Variants in PRDM11 observed in about 807,000 individuals in gnomAD.
PRDM11 encodes the protein PR/SET domain 11.
In PRDM11, 20 loss-of-function variants were observed where a neutral mutation model predicts 97.8. The ratio of observed to expected loss-of-function variants is 0.20; its 90% CI spans 0.14 to 0.30. The LOEUF is 0.30. PRDM11 is among the 10% of genes least tolerant of loss of function. PRDM11 has a pLI of 1.00. For missense variants in PRDM11, 1,139 were observed against 1,555.2 expected (o/e 0.73, Z 4.50); for synonymous variants, 599 against 637.7 (o/e 0.94, Z 0.91).
intron 1 of PRDM11, among the ~76,000 whole-genome samples, chr11:45,109,914 G>A (rs1227221257): frequency 6.6e-6 from 1 of 152,106 alleles, no homozygotes; most frequent in Non-Finnish European, 1.5e-5. Flanking sequence ...AGTGTCCAGG[G>A]TTGCTCACAG....
Position 45,203,898 on chromosome 11 carries a change from G to GGA in PRDM11, c.487-812_487-811dup. On this transcript the variant is annotated intron_variant, in intron 4 of 7. Transcript: ENST00000683152. ...ACTGAGAATTTTCCAGAATTGAAAA[G>GGA]GATATGAGTCTTGGAGTTGAAAGGT... Among the ~76,000 whole-genome samples the GGA allele has an allele frequency of 1.3e-5, 2 of 152,314 alleles. 1 individual carries two copies. Among genetic ancestry groups the GGA allele is most frequent in the Middle Eastern group, 6.8e-3 (2 of 294 alleles).
rs556201856 is a variant in PRDM11 at position 45,128,072 on chromosome 11, G to A, written c.96+32171G>A. Among the ~76,000 whole-genome samples the A allele has an allele frequency of 3.9e-5, 6 of 152,228 alleles. No homozygotes were observed. The South Asian group carries it at 6.2e-4, about 16-fold the overall frequency. ...TGGCAGGCGCCCCTCCCCCAGCCTC[G>A]CTGCCACCTTGCAGTTTGATCTCAG... On this transcript the variant is annotated intron_variant, in intron 1 of 6. Coordinates refer to the PRDM11 transcript ENST00000530656.
At chr11:45,171,400 G>A (rs769137177) in intron 1 of PRDM11, among the ~76,000 whole-genome samples, 2 of 151,998 alleles carry the variant, frequency 1.3e-5, no homozygotes, top group Admixed American at 6.6e-5. Context: ...GTGCCCAGCC[G>A]GTTATGTGGA....
chr11:45,109,465 T>G (rs1156392440), intron 1 of PRDM11, among the ~76,000 whole-genome samples: 1 of 152,210 alleles, frequency 6.6e-6, no homozygotes, highest in Admixed American at 6.5e-5. Flanking sequence ...GCCCTGTCTC[T>G]ACCATGCACA....
At chr11:45,175,075 G>T (rs534366087) in intron 1 of PRDM11, among the ~76,000 whole-genome samples, 1 of 152,102 alleles carries the variant, frequency 6.6e-6, no homozygotes, top group Non-Finnish European at 1.5e-5. Flanking sequence ...CCAGCTTCCC[G>T]GTTATTAACA....
At chr11:45,195,564 CTTTCTTTTTTTT>C (rs1247449398) in intron 4 of PRDM11, among the ~76,000 whole-genome samples, 4 of 151,520 alleles carry the variant, frequency 2.6e-5, no homozygotes, top group African/African-American at 7.3e-5. Flanking sequence ...CTTTTACTTT[CTTTCTTTTTTTT>C]TTTCTTTTTT....
chr11:45,207,011 C>A (rs187075509), intron 5 of PRDM11, among the ~76,000 whole-genome samples: 4 of 152,248 alleles, frequency 2.6e-5, no homozygotes, highest in Admixed American at 2.6e-4. Context: ...AGCATGGTTT[C>A]TGTCCTGTTC....
At chr11:45,193,777 A>G (rs1853000565) in intron 4 of PRDM11, among the ~76,000 whole-genome samples, 2 of 152,166 alleles carry the variant, frequency 1.3e-5, no homozygotes, top group Non-Finnish European at 2.9e-5. Flanking sequence ...TCTGCTGGTC[A>G]GCTGCCGTTC....
intron 5 of PRDM11, chr11:45,213,647 T>C (rs1218116742): frequency 2.0e-5 from 9 of 456,472 alleles, no homozygotes; most frequent in South Asian, 1.1e-4. Flanking sequence ...CTTGCATTCA[T>C]AGAGAGCACT....
intron 4 of PRDM11, among the ~76,000 whole-genome samples, chr11:45,191,502 G>A (rs1434014961): frequency 6.6e-6 from 1 of 152,068 alleles, no homozygotes; most frequent in Non-Finnish European, 1.5e-5. Flanking sequence ...GTATTCATAT[G>A]AACATGAATT....
At chr11:45,220,549 A>G (rs1470986723) in intron 6 of PRDM11, among the ~76,000 whole-genome samples, 1 of 152,206 alleles carries the variant, frequency 6.6e-6, no homozygotes, top group East Asian at 1.9e-4. Flanking sequence ...ATCCAGGGCC[A>G]CCTGGCTAGG....
Position 45,126,922 on chromosome 11 carries a change from T to A in PRDM11, c.96+31021T>A, listed in dbSNP as rs573691932. 1.2e-3 allele frequency among the ~76,000 whole-genome samples: 183 copies of A among 152,380 alleles called. 1 individual carries two copies. The highest frequency in any genetic ancestry group is 3.5e-3 in the African/African-American group (145 of 41,596). On this transcript the variant is annotated intron_variant, in intron 1 of 6. Transcript: ENST00000530656. ...GGGGAAGTTCTCCTGGATAATATCC[T>A]GCAGAGTGTTTTCCAACTTGGTTCC...
chr11:45,168,742 T>G (rs1177626682), intron 1 of PRDM11, among the ~76,000 whole-genome samples: 1 of 152,124 alleles, frequency 6.6e-6, no homozygotes. Context: ...ACACACTGGG[T>G]CTCCAGCACC....
chr11:45,223,062 T>C (rs939381836), intron 6 of PRDM11, among the ~76,000 whole-genome samples: 36 of 152,184 alleles, frequency 2.4e-4, no homozygotes, highest in African/African-American at 8.7e-4. Flanking sequence ...ATGCCTGTAA[T>C]CTCAGCACTT....
chr11:45,224,644 C>G lies in PRDM11; in HGVS notation c.1170C>G (p.Ala390=), dbSNP rs578069391. ...DEEEEPSSFK[A]DSPAEASLAS... Reference sequence around the variant, plus strand: ...AAGAGGAGCCTTCATCATTCAAGGCCGACAGTCCTGCCGAGGCCTCCCTTG... The same window carrying G: ...AAGAGGAGCCTTCATCATTCAAGGCGGACAGTCCTGCCGAGGCCTCCCTTG... Residue 390 remains alanine, a synonymous_variant, in exon 7 of 8, where the codon GCC becomes GCG. Transcript: ENST00000683152. 1 of 1,614,178 alleles carries G rather than the reference C, an allele frequency of 6.2e-7. No individual in the cohort carries two copies. Among genetic ancestry groups the G allele is most frequent in the Non-Finnish European group, 8.5e-7 (1 of 1,180,030 alleles).
At chr11:45,191,426 C>G (rs553644019) in intron 4 of PRDM11, among the ~76,000 whole-genome samples, 1 of 152,210 alleles carries the variant, frequency 6.6e-6, no homozygotes, top group African/African-American at 2.4e-5. Context: ...ATTTGACATT[C>G]TTCTGTTTAA....
chr11:45,102,480 C>T (rs919905836), intron 1 of PRDM11, among the ~76,000 whole-genome samples: 3 of 152,166 alleles, frequency 2.0e-5, no homozygotes, highest in African/African-American at 7.2e-5. Flanking sequence ...GGGGAAGCAC[C>T]CCAGCTGGGG....
intron 1 of PRDM11, among the ~76,000 whole-genome samples, chr11:45,172,496 A>G (rs1286547606): frequency 1.3e-5 from 2 of 152,128 alleles, no homozygotes; most frequent in Non-Finnish European, 2.9e-5. Context: ...ATGAAGCACC[A>G]AAGACACTCC....
chr11:45,142,523 T>C (rs1385505187), upstream of PRDM11, among the ~76,000 whole-genome samples: 3 of 151,948 alleles, frequency 2.0e-5, no homozygotes, highest in East Asian at 5.8e-4. Flanking sequence ...TTCCCATACC[T>C]CTCCACCTTT....
Sources: gnomAD v4.1 joint callset for allele counts (sites outside exome capture counted in the v4.1 genomes callset) on GRCh38, gnomAD v4.1.1 for gene constraint, MANE v1.5 for transcripts, NCBI Gene and HGNC (gene_info 2026-07-23, HGNC 2026-07-21) for gene names.